The following NIBAN1 variants were observed in gnomAD, a reference collection of about 807,000 sequenced individuals.
The protein encoded by NIBAN1 is niban apoptosis regulator 1, also known as protein Niban 1.
Under a neutral mutation model 75.1 loss-of-function variants are expected in NIBAN1, and 81 were observed. The ratio of observed to expected loss-of-function variants is 1.08; its 90% CI spans 0.90 to 1.30. NIBAN1 has a LOEUF of 1.30. Among genes scored for constraint, NIBAN1 ranks in the 50% most tolerant of loss-of-function variants. NIBAN1 has a pLI of 0.00. For synonymous variants in NIBAN1, 436 were observed against 424.8 expected, an observed-to-expected ratio of 1.03 and a Z score of -0.32; for missense variants, 1,133 against 1,128.1, an observed-to-expected ratio of 1.00 and a Z score of -0.06.
In NIBAN1 at chr1:184,823,310, G is replaced by C. The variant is rs1329382277; in HGVS notation, c.842C>G (p.Thr281Ser). The change falls in exon 8 of 14, where the codon ACC becomes AGC. Residue 281 changes from threonine (T) to serine (S), a missense_variant. Transcript: ENST00000367511. The stretch of plus-strand genomic sequence containing the variant: ...TTCTGAAACTTGATGCTGAACCAGG[G>C]TGTAGGCCTCCTCGAGGAGCTGCAA... ...TWLGLLEEAY[T>S]LVQHQVSEGL... 7 of 1,614,138 alleles carry C rather than the reference G, an allele frequency of 4.3e-6. No homozygotes were observed. The highest frequency in any genetic ancestry group is 1.3e-5 in the African/African-American group (1 of 75,036).
chr1:184,873,195 C>T (rs546109729), intron 5 of NIBAN1, among the ~76,000 whole-genome samples: 2 of 152,176 alleles, frequency 1.3e-5, no homozygotes, highest in East Asian at 3.9e-4. Flanking sequence ...TAAACAAAAA[C>T]TGAGAAAAAG....
At chr1:184,884,252 C>A (rs1331360763) in intron 5 of NIBAN1, among the ~76,000 whole-genome samples, 1 of 107,944 alleles carries the variant, frequency 9.3e-6, no homozygotes, top group African/African-American at 3.7e-5. Context: ...GAGATGGAGT[C>A]TTGCACTGTC....
At position 184,803,658 on chromosome 1, in the gene NIBAN1, T is replaced by G. The variant is rs1654109135; in HGVS notation, c.1481A>C (p.Lys494Thr). 1 of 1,614,094 alleles carries G rather than the reference T, an allele frequency of 6.2e-7. No homozygotes were observed. Among genetic ancestry groups the G allele is most frequent in the Non-Finnish European group, 8.5e-7 (1 of 1,180,024 alleles). ...TTGAACTAGTGCCTCTTGAAATATCTTCTTTCGGATGGTGCTGCTGTCATA... is the reference window on the plus strand; with the variant it reads ...TTGAACTAGTGCCTCTTGAAATATCGTCTTTCGGATGGTGCTGCTGTCATA... ...YDYDSSTIRK[K>T]IFQEALVQIT... Residue 494 changes from lysine to threonine, a missense_variant, in exon 12 of 14, where the codon AAG becomes ACG. Coordinates refer to ENST00000367511, the MANE Select transcript of NIBAN1 (RefSeq NM_052966.4).
chr1:184,965,623 C>T (rs577002251), intron 1 of NIBAN1, among the ~76,000 whole-genome samples: 4 of 152,054 alleles, frequency 2.6e-5, no homozygotes, highest in Admixed American at 2.0e-4. Flanking sequence ...TAGAAGGGAA[C>T]AATAGACACT....
At chr1:184,931,447 T>G (rs958486355) in intron 1 of NIBAN1, among the ~76,000 whole-genome samples, 1 of 152,228 alleles carries the variant, frequency 6.6e-6, no homozygotes, top group African/African-American at 2.4e-5. Flanking sequence ...TAAGATTTAC[T>G]TATAGTGTTA....
intron 1 of NIBAN1, among the ~76,000 whole-genome samples, chr1:184,913,173 A>G (rs1657294948): frequency 8.6e-6 from 1 of 116,918 alleles, no homozygotes; most frequent in South Asian, 3.0e-4. Context: ...TATGCCTTTC[A>G]TACCATGCAG....
rs1174066517 is a variant in NIBAN1, at chr1:184,827,953, G to GTTTTTTTTT, written c.717+3893_717+3894insAAAAAAAAA. ...AAGGCCTAAAAATGCGGGTAGTTTTGTTTTTTGTTTTTTTTTTTTTTTTCC... is the reference window on the plus strand; with the variant it reads ...AAGGCCTAAAAATGCGGGTAGTTTTGTTTTTTTTTTTTTTTGTTTTTTTTTTTTTTTTCC... On this transcript the variant is annotated intron_variant, in intron 6 of 13. Coordinates refer to ENST00000367511, the MANE Select transcript of NIBAN1 (RefSeq NM_052966.4). 1.2e-4 allele frequency among the ~76,000 whole-genome samples: 12 copies of GTTTTTTTTT among 100,276 alleles called. 2 individuals carry two copies. Among genetic ancestry groups the GTTTTTTTTT allele is most frequent in the African/African-American group, 9.9e-5 (3 of 30,348 alleles). 65.8% of individuals were successfully genotyped at this position (100,276 alleles called of 152,430 possible).
chr1:184,881,488 G>A (rs1032738457), intron 5 of NIBAN1, among the ~76,000 whole-genome samples: 1 of 152,130 alleles, frequency 6.6e-6, no homozygotes, highest in African/African-American at 2.4e-5. Flanking sequence ...AGCTGCTAGC[G>A]TTACAGGAAA....
chr1:184,870,948 T>C (rs775098002), intron 5 of NIBAN1, among the ~76,000 whole-genome samples: 5 of 152,174 alleles, frequency 3.3e-5, no homozygotes, highest in Admixed American at 1.3e-4. Flanking sequence ...TCAGAAAGTG[T>C]CCTTGTTTGG....
chr1:184,930,939 T>C (rs1452997516), intron 1 of NIBAN1, among the ~76,000 whole-genome samples: 2 of 152,046 alleles, frequency 1.3e-5, no homozygotes, highest in Non-Finnish European at 2.9e-5. Flanking sequence ...TAGATGAGTC[T>C]GCAGGCACAT....
intron 5 of NIBAN1, among the ~76,000 whole-genome samples, chr1:184,835,507 C>CTTT (rs1655114419): frequency 6.6e-6 from 1 of 152,200 alleles, no homozygotes; most frequent in South Asian, 2.1e-4. Context: ...TTTGTGTCCT[C>CTTT]TTTTATTTCA....
intron 5 of NIBAN1, among the ~76,000 whole-genome samples, chr1:184,835,667 T>C (rs1027810349): frequency 2.6e-5 from 4 of 152,222 alleles, no homozygotes; most frequent in Admixed American, 6.5e-5. Context: ...TGTATAGGAA[T>C]GCTTGTGATT....
intron 1 of NIBAN1, among the ~76,000 whole-genome samples, chr1:184,902,472 T>C (rs1318775303): frequency 6.6e-6 from 1 of 152,148 alleles, no homozygotes; most frequent in Non-Finnish European, 1.5e-5. Flanking sequence ...AAATGTTCCA[T>C]AATTGATCAT....
intron 5 of NIBAN1, among the ~76,000 whole-genome samples, chr1:184,870,965 G>A (rs1384272466): frequency 3.3e-5 from 5 of 152,102 alleles, no homozygotes; most frequent in Admixed American, 1.3e-4. Flanking sequence ...TTGGAAATAC[G>A]GTCATTGCAT....
At chr1:184,842,371 C>T (rs915885215) in intron 5 of NIBAN1, among the ~76,000 whole-genome samples, 3 of 152,168 alleles carry the variant, frequency 2.0e-5, no homozygotes, top group Non-Finnish European at 4.4e-5. Flanking sequence ...AAGAAGCTCC[C>T]GAGGTGATGC....
chr1:184,950,317 T>C (rs1368530401), intron 1 of NIBAN1, among the ~76,000 whole-genome samples: 1 of 152,234 alleles, frequency 6.6e-6, no homozygotes, highest in African/African-American at 2.4e-5. Context: ...CATAGTGAGA[T>C]GAAATTTACA....
chr1:184,944,257 G>A (rs1002179440), intron 1 of NIBAN1, among the ~76,000 whole-genome samples: 1 of 152,166 alleles, frequency 6.6e-6, no homozygotes, highest in African/African-American at 2.4e-5. Flanking sequence ...ACTAGTTCTA[G>A]ATTATAATAG....
chr1:184,903,074 G>A (rs1656994522), intron 1 of NIBAN1, among the ~76,000 whole-genome samples: 1 of 152,192 alleles, frequency 6.6e-6, no homozygotes, highest in Non-Finnish European at 1.5e-5. Flanking sequence ...CTTGAGCACT[G>A]AATTCCTTTC....
intron 10 of NIBAN1, among the ~76,000 whole-genome samples, chr1:184,806,666 C>T (rs751154014): frequency 6.6e-6 from 1 of 151,750 alleles, no homozygotes; most frequent in African/African-American, 2.4e-5. Flanking sequence ...GGTTAGTTAG[C>T]TAAAATGTAT....
Sources: gnomAD v4.1 joint callset for allele counts (sites outside exome capture counted in the v4.1 genomes callset) on GRCh38, gnomAD v4.1.1 for gene constraint, MANE v1.5 for transcripts, NCBI Gene and HGNC (gene_info 2026-07-23, HGNC 2026-07-21) for gene names.